IL19: variants seen among roughly 807,000 people sequenced by gnomAD.
IL19 encodes interleukin 19.
A neutral mutation model predicts 19.5 loss-of-function variants in IL19; 15 were observed. The ratio of observed to expected loss-of-function variants is 0.77; its 90% CI spans 0.52 to 1.19. The LOEUF (loss-of-function observed/expected upper bound fraction) is 1.19, where lower values mean the gene tolerates loss of function less well. Ranked by LOEUF, IL19 falls within the 50% of genes most tolerant of loss-of-function variation. The probability of loss-of-function intolerance (pLI) is 0.00; values close to 1 mark genes in which losing one functional copy is unlikely to be tolerated. For synonymous variants in IL19, 78 were observed against 78.3 expected, an observed-to-expected ratio of 1.00 and a Z score of 0.02; for missense variants, 199 against 213.1, an observed-to-expected ratio of 0.93 and a Z score of 0.41.
At chr1:206,792,885 C>T (rs892190228) in intron 1 of IL19, among the ~76,000 whole-genome samples, 1 of 152,188 alleles carries the variant, frequency 6.6e-6, no homozygotes, top group Admixed American at 6.5e-5. Flanking sequence ...AGTGTGGCTG[C>T]AGAGGCCACA....
intron 1 of IL19, among the ~76,000 whole-genome samples, chr1:206,790,762 T>G (rs1675382561): frequency 6.6e-6 from 1 of 152,140 alleles, no homozygotes; most frequent in Non-Finnish European, 1.5e-5. Flanking sequence ...CAGGACCAGA[T>G]TAGCGGAGGC....
chr1:206,777,230 CAAAAAAAAAAAAAAA>C (rs750939092), intron 1 of IL19, among the ~76,000 whole-genome samples: 1 of 6,132 alleles, frequency 1.6e-4, no homozygotes, highest in Admixed American at 2.3e-3. Flanking sequence ...GACTCCGTCT[CAAAAAAAAAAAAAAA>C]AAAAAAAAAA....
Position 206,833,665 on chromosome 1 carries a change from C to G in IL19, c.-2-2996C>G, listed in dbSNP as rs1486809228. The G allele has an allele frequency of 4.1e-6, 4 of 985,340 alleles. No individual in the cohort carries two copies. In the East Asian group the frequency reaches 3.3e-4, roughly 82 times the overall value. 61.0% of individuals were successfully genotyped at this position (985,340 alleles called of 1,614,324 possible). A position where few individuals can be genotyped will look rare whatever the true frequency, so the allele number is the denominator to read the frequency against. On this transcript the variant is annotated intron_variant, in intron 2 of 6. Transcript: ENST00000659997. ...TCTTCTAGCCCAAGAATAAGGATTT[C>G]AGGTCCTGGCTCTGCCACTGGCTGA...
In IL19 at chr1:206,839,909, C is replaced by T. The variant is rs1268416541; in HGVS notation, c.270C>T (p.Phe90=). 5 of 1,613,936 alleles carry T rather than the reference C, an allele frequency of 3.1e-6. No individual in the cohort carries two copies. In the East Asian group the frequency reaches 6.7e-5, roughly 22 times the overall value. The change falls in exon 5 of 7, where the codon TTC becomes TTT. Residue 90 remains phenylalanine, a synonymous_variant. Transcript: ENST00000659997. ...NLLAFYVDRV[F]KDHQEPNPKI... is the part of the protein sequence containing the mutation. ...TGGCGTTCTACGTGGACAGGGTGTT[C>T]AAGGATCATCAGGAGCCAAACCCCA...
chr1:206,800,370 A>G (rs11119587), intron 2 of IL19, among the ~76,000 whole-genome samples: 60,022 of 152,032 alleles, frequency 0.39, 12,331 homozygotes, highest in East Asian at 0.68. Flanking sequence ...GTGGTGGGGT[A>G]GGGGGGAAGG....
intron 1 of IL19, chr1:206,771,345 C>T (rs1284710161): frequency 6.2e-7 from 1 of 1,612,516 alleles, no homozygotes; most frequent in Non-Finnish European, 8.5e-7. Flanking sequence ...GCACCCCGCC[C>T]CTGCTCTCAC....
At chr1:206,778,836 T>C (rs948886054) in intron 1 of IL19, among the ~76,000 whole-genome samples, 5 of 152,230 alleles carry the variant, frequency 3.3e-5, no homozygotes, top group African/African-American at 1.2e-4. Context: ...CAATCTATGT[T>C]CAATCTATCA....
intron 1 of IL19, among the ~76,000 whole-genome samples, chr1:206,773,484 G>T (rs576469379): frequency 1.3e-5 from 2 of 152,284 alleles, no homozygotes; most frequent in East Asian, 1.9e-4. Flanking sequence ...ACAAGGAAAA[G>T]AAGTCAGGAT....
chr1:206,808,516 T>G (rs935741783), intron 2 of IL19, among the ~76,000 whole-genome samples: 6 of 151,786 alleles, frequency 4.0e-5, no homozygotes, highest in Non-Finnish European at 8.8e-5. Context: ...TGTGTGTGTG[T>G]GTGTGTGTGC....
intron 1 of IL19, among the ~76,000 whole-genome samples, chr1:206,784,672 C>T (rs1422852164): frequency 6.6e-6 from 1 of 152,052 alleles, no homozygotes; most frequent in Non-Finnish European, 1.5e-5. Context: ...CCGGGGGCGG[C>T]GGGGGTGTGG....
chr1:206,816,435 A>G (rs1676159032), intron 2 of IL19, among the ~76,000 whole-genome samples: 2 of 152,212 alleles, frequency 1.3e-5, no homozygotes, highest in Non-Finnish European at 2.9e-5. Flanking sequence ...CTTACATGAA[A>G]TATATAGTAT....
At chr1:206,830,251 C>T (rs532437507) in intron 2 of IL19, among the ~76,000 whole-genome samples, 4 of 152,200 alleles carry the variant, frequency 2.6e-5, no homozygotes, top group Admixed American at 2.6e-4. Flanking sequence ...GTAATGTGAA[C>T]ATTGAACTGA....
At position 206,819,516 on chromosome 1, in the gene IL19, G is replaced by A. The variant is rs749616192; in HGVS notation, c.-2-17145G>A. Among the ~76,000 whole-genome samples the A allele has an allele frequency of 5.9e-4, 89 of 151,938 alleles. 1 individual carries two copies. Among genetic ancestry groups the A allele is most frequent in the Admixed American group, 7.9e-4 (12 of 15,240 alleles). On this transcript the variant is annotated intron_variant, in intron 2 of 6. Transcript: ENST00000659997. ...GAAGAATCCCTTGAACCTGGGAGGC[G>A]GAGGTTGCAGTGAGCCAAGATGTGA... is the stretch of plus-strand genomic sequence containing the variant.
At position 206,800,370 on chromosome 1, in the gene IL19, A is replaced by T. The variant is rs11119587; in HGVS notation, c.-3+1364A>T. ...TGGGGCAGGGCAGTGGTGGTGGGGT[A>T]GGGGGGAAGGTCACAGATGAATGCT... On this transcript the variant is annotated intron_variant, in intron 2 of 6. Transcript: ENST00000659997. 1.6e-3 allele frequency among the ~76,000 whole-genome samples: 246 copies of T among 152,078 alleles called. 1 individual carries two copies. Among genetic ancestry groups the T allele is most frequent in the African/African-American group, 5.5e-3 (229 of 41,492 alleles).
chr1:206,836,621 C>T (rs746242793), intron 2 of IL19, 40 bp from the exon 3 acceptor site: 2 of 1,558,994 alleles, frequency 1.3e-6, no homozygotes, highest in Admixed American at 4.1e-5. Context: ...CATTGCCCTC[C>T]ACTCTTGGCT....
chr1:206,777,164 G>A (rs202007750), intron 1 of IL19, among the ~76,000 whole-genome samples: 11 of 145,160 alleles, frequency 7.6e-5, no homozygotes, highest in Admixed American at 2.1e-4. Context: ...CTGGGAGGCG[G>A]AGCTTGCAGT....
At chr1:206,781,507 C>T (rs1289764871) in intron 1 of IL19, among the ~76,000 whole-genome samples, 1 of 151,426 alleles carries the variant, frequency 6.6e-6, no homozygotes, top group Non-Finnish European at 1.5e-5. Context: ...ATCATCCTGC[C>T]CATTCTGGTC....
chr1:206,781,234 A>T (rs1396781981), intron 1 of IL19, among the ~76,000 whole-genome samples: 1 of 151,842 alleles, frequency 6.6e-6, no homozygotes, highest in Non-Finnish European at 1.5e-5. Flanking sequence ...TCACTAGGTC[A>T]GTAGTTCAAG....
At chr1:206,824,928 G>A (rs986664089) in intron 2 of IL19, among the ~76,000 whole-genome samples, 1 of 152,104 alleles carries the variant, frequency 6.6e-6, no homozygotes, top group South Asian at 2.1e-4. Context: ...CTAATTTTCT[G>A]TATTTTTAGT....
Sources: allele counts gnomAD v4.1 joint callset (sites outside exome capture counted in the v4.1 genomes callset), GRCh38; gene constraint gnomAD v4.1.1; transcripts MANE v1.5; gene names NCBI Gene and HGNC (gene_info 2026-07-23, HGNC 2026-07-21).